The following GHR variants were observed in gnomAD, a reference collection of about 807,000 sequenced individuals.
GHR encodes the protein growth hormone receptor, also known as GH receptor.
A neutral mutation model predicts 67.1 loss-of-function variants in GHR; 35 were observed. That is an observed-to-expected ratio of 0.52 (90% confidence interval 0.40 to 0.69). The LOEUF (loss-of-function observed/expected upper bound fraction) is 0.69, where lower values mean the gene tolerates loss of function less well. Among genes scored for constraint, GHR ranks in the 30% least tolerant of loss-of-function variants. The pLI is 0.00. For missense variants in GHR, 792 were observed against 764.6 expected (o/e 1.04, Z -0.42); for synonymous variants, 272 against 269.1 (o/e 1.01, Z -0.10).
chr5:42,432,755 A>C (rs1743148907), intron 1 of GHR, among the ~76,000 whole-genome samples: 1 of 152,350 alleles, frequency 6.6e-6, no homozygotes, highest in African/African-American at 2.4e-5. Flanking sequence ...AATCAGAAAG[A>C]TTAAAGAAAG....
In GHR at chr5:42,627,097, C is replaced by T. The variant is rs553078300; in HGVS notation, c.71-1941C>T. ...TTATAGTGGATGAATTATGGACCATCTCACACCATAAAGTTCTGTTTCTCT... is the reference window on the plus strand; with the variant it reads ...TTATAGTGGATGAATTATGGACCATTTCACACCATAAAGTTCTGTTTCTCT... On this transcript the variant is annotated intron_variant, in intron 2 of 9. Coordinates refer to ENST00000230882, the MANE Select transcript of GHR (RefSeq NM_000163.5). Among the ~76,000 whole-genome samples, 11 of 152,308 alleles carry T rather than the reference C, an allele frequency of 7.2e-5. No homozygotes were observed. The East Asian group carries it at 1.7e-3, about 24-fold the overall frequency.
intron 2 of GHR, among the ~76,000 whole-genome samples, chr5:42,608,532 C>A (rs1752738006): frequency 6.6e-6 from 1 of 151,892 alleles, no homozygotes; most frequent in Non-Finnish European, 1.5e-5. Flanking sequence ...CGTTTAGTGA[C>A]ACACAAAGGC....
intron 6 of GHR, among the ~76,000 whole-genome samples, chr5:42,704,190 G>T: frequency 6.6e-6 from 1 of 151,950 alleles, no homozygotes; most frequent in South Asian, 2.1e-4. Context: ...TATGATGTGA[G>T]TTTGTTATAT....
chr5:42,707,219 GC>G lies in GHR; in HGVS notation c.619-3981del, dbSNP rs202084021. ...ACTCTACACTTTTACTCCACATACCGCCCCCCCAAACACATTTTAAATTTTT... is the reference window on the plus strand; with the variant it reads ...ACTCTACACTTTTACTCCACATACCGCCCCCCAAACACATTTTAAATTTTT... On this transcript the variant is annotated intron_variant, in intron 6 of 9. Transcript: ENST00000230882. Among the ~76,000 whole-genome samples, 618 of 151,320 alleles carry G rather than the reference GC, an allele frequency of 4.1e-3. 5 individuals are homozygous for G. The highest frequency in any genetic ancestry group is 0.014 in the African/African-American group (588 of 41,286).
rs188060229 is a variant in GHR at position 42,513,840 on chromosome 5, T to C, written c.-11-52024T>C. Among the ~76,000 whole-genome samples, 25 of 152,288 alleles carry C rather than the reference T, an allele frequency of 1.6e-4. No homozygotes were observed. In the East Asian group the frequency reaches 4.6e-3, roughly 28 times the overall value. ...AACTCAAATAAAGAGGTCTGAGGAT[T>C]ATCTGTGATGTTAGCTCATGTGTGT... On this transcript the variant is annotated intron_variant, in intron 1 of 9. Transcript: ENST00000230882.
At chr5:42,443,120 G>T (rs914756742) in intron 1 of GHR, among the ~76,000 whole-genome samples, 7 of 152,184 alleles carry the variant, frequency 4.6e-5, no homozygotes, top group Non-Finnish European at 1.0e-4. Flanking sequence ...TGAATGTGGG[G>T]CTTGAGTTTC....
intron 1 of GHR, among the ~76,000 whole-genome samples, chr5:42,524,861 A>C (rs933956154): frequency 6.6e-6 from 1 of 152,368 alleles, no homozygotes; most frequent in East Asian, 1.9e-4. Flanking sequence ...GGAAGCCCCA[A>C]GCCTTGGCAG....
intron 1 of GHR, among the ~76,000 whole-genome samples, chr5:42,478,730 A>AT (rs1396304131): frequency 6.6e-6 from 1 of 152,110 alleles, no homozygotes; most frequent in Non-Finnish European, 1.5e-5. Context: ...TTGCATATTG[A>AT]TTTTGTATCC....
chr5:42,472,886 C>G (rs1044412871), intron 1 of GHR, among the ~76,000 whole-genome samples: 1 of 152,092 alleles, frequency 6.6e-6, no homozygotes, highest in Non-Finnish European at 1.5e-5. Flanking sequence ...TTCTGTTACT[C>G]TATGATTTCA....
chr5:42,439,716 T>A (rs189885629), intron 1 of GHR, among the ~76,000 whole-genome samples: 390 of 152,322 alleles, frequency 2.6e-3, no homozygotes, highest in Non-Finnish European at 2.8e-3. Flanking sequence ...TTTTAAAAAA[T>A]ATGTGAAAGT....
chr5:42,584,033 T>C (rs1325597575), intron 2 of GHR, among the ~76,000 whole-genome samples: 1 of 151,998 alleles, frequency 6.6e-6, no homozygotes, highest in Non-Finnish European at 1.5e-5. Context: ...GTCTTCTTTT[T>C]TCCAGGAGAC....
chr5:42,632,443 G>A (rs997717202), intron 3 of GHR, among the ~76,000 whole-genome samples: 2 of 152,162 alleles, frequency 1.3e-5, no homozygotes, highest in Non-Finnish European at 2.9e-5. Context: ...ATTAACCCAT[G>A]CTATGCACAA....
At position 42,424,932 on chromosome 5, in the gene GHR, G is replaced by C; in HGVS notation, c.-12+977G>C. On this transcript the variant is annotated intron_variant, in intron 1 of 9. Coordinates refer to ENST00000230882, the MANE Select transcript of GHR (RefSeq NM_000163.5). This position sits in a 1 kb window ranked among gnomAD's most constrained non-coding sequence, Gnocchi z 4.1. ...GTGCGCGCGCGAGTGTGCGCCTGGG[G>C]AGGCGTGTCGGCGCCTGAGCCAGTA... 1.1e-6 allele frequency: 1 copy of C among 883,290 alleles called. No individual in the cohort carries two copies. 54.7% of individuals were successfully genotyped at this position (883,290 alleles called of 1,614,324 possible).
At position 42,721,279 on chromosome 5, in the gene GHR, A is replaced by G. The variant is rs1759010722; in HGVS notation, c.*1855A>G. ...TCTCCTGAAAAGGTTTATGAAAAAG[A>G]AGAATCTCATCTCAGTGAAGAATAC... On this transcript the variant is annotated 3_prime_UTR_variant, in exon 10 of 10. Coordinates refer to ENST00000230882, the MANE Select transcript of GHR (RefSeq NM_000163.5). 6.6e-6 allele frequency: 1 copy of G among 152,246 alleles called. No homozygotes were observed. The highest frequency in any genetic ancestry group is 1.9e-4 in the East Asian group (1 of 5,196). The allele number at this position is 152,246 out of a possible 1,614,324, so 9.4% of individuals were successfully genotyped here.
chr5:42,576,084 TAA>T (rs1311140528), intron 2 of GHR, among the ~76,000 whole-genome samples: 10 of 95,690 alleles, frequency 1.0e-4, no homozygotes, highest in South Asian at 2.9e-4. Context: ...TAAAATAAAA[TAA>T]AATAAAATAA....
Position 42,565,371 on chromosome 5 carries a change from G to C in GHR, c.-11-493G>C, listed in dbSNP as rs191016810. ...CTTTAGGATGGCTCATTAGCAACTC[G>C]TTTTGAGTGGTTTGAGCTCTTTTGT... is the stretch of plus-strand genomic sequence containing the variant. On this transcript the variant is annotated intron_variant, in intron 1 of 9. Coordinates refer to ENST00000230882, the MANE Select transcript of GHR (RefSeq NM_000163.5). The C allele has an allele frequency of 3.0e-3, 2,277 of 769,360 alleles. 8 individuals are homozygous for C. The highest frequency in any genetic ancestry group is 3.3e-3 in the Non-Finnish European group (2,115 of 632,748). The allele number at this position is 769,360 out of a possible 1,614,324, so 47.7% of individuals were successfully genotyped here. A position where few individuals can be genotyped will look rare whatever the true frequency, so the allele number is the denominator to read the frequency against.
intron 1 of GHR, among the ~76,000 whole-genome samples, chr5:42,429,626 A>AT (rs1426376657): frequency 6.6e-6 from 1 of 152,154 alleles, no homozygotes; most frequent in African/African-American, 2.4e-5. Flanking sequence ...GCTTCAAAAC[A>AT]TTTTTTCATG....
Position 42,514,159 on chromosome 5 carries a change from C to T in GHR, c.-11-51705C>T, listed in dbSNP as rs142393435. The T allele has an allele frequency of 4.7e-5, 46 of 984,164 alleles. No individual in the cohort carries two copies. In the African/African-American group the frequency reaches 5.9e-4, roughly 13 times the overall value. The allele number at this position is 984,164 out of a possible 1,614,324, so 61.0% of individuals were successfully genotyped here. ...TAAAACATTTGCTGAATTCACTGGG[C>T]GCATCTTACAAGTAATTTTTGGATT... On this transcript the variant is annotated intron_variant, in intron 1 of 9. Coordinates refer to ENST00000230882, the MANE Select transcript of GHR (RefSeq NM_000163.5).
In GHR at chr5:42,424,494, G is replaced by C; in HGVS notation, c.-12+539G>C. 1 of 1,073,114 alleles carries C rather than the reference G, an allele frequency of 9.3e-7. No homozygotes were observed. The highest frequency in any genetic ancestry group is 1.4e-6 in the Non-Finnish European group (1 of 726,494). The allele number at this position is 1,073,114 out of a possible 1,614,324, so 66.5% of individuals were successfully genotyped here. A position where few individuals can be genotyped will look rare whatever the true frequency, so the allele number is the denominator to read the frequency against. On this transcript the variant is annotated intron_variant, in intron 1 of 9. Transcript: ENST00000230882. This position sits in a 1 kb window ranked among gnomAD's most constrained non-coding sequence, Gnocchi z 4.1. ...CGAGCTGTGCGCGTGGACACAGCGC[G>C]CAGAGCGCGCGGTCTTTTGCGCGTT...
Sources: allele counts gnomAD v4.1 joint callset (sites outside exome capture counted in the v4.1 genomes callset), GRCh38; gene constraint gnomAD v4.1.1; non-coding constraint Gnocchi (gnomAD v3.1); transcripts MANE v1.5; gene names NCBI Gene and HGNC (gene_info 2026-07-23, HGNC 2026-07-21).